The following MED26 variants were observed in gnomAD, a reference collection of about 807,000 sequenced individuals.
MED26 encodes mediator complex subunit 26, also known as mediator of RNA polymerase II transcription subunit 26.
A neutral mutation model predicts 43.7 loss-of-function variants in MED26; 7 were observed. That is an observed-to-expected ratio of 0.16 (90% CI 0.09 to 0.30). The LOEUF (loss-of-function observed/expected upper bound fraction) is 0.30, where lower values mean the gene tolerates loss of function less well. MED26 is among the 10% of genes least tolerant of loss of function. MED26 has a pLI of 1.00. For missense variants in MED26, 784 were observed against 840.6 expected (o/e 0.93, Z 0.83); for synonymous variants, 375 against 371.1 (o/e 1.01, Z -0.12).
chr19:16,578,628 G>A (rs552619453), intron 1 of MED26: 24 of 563,940 alleles, frequency 4.3e-5, no homozygotes, highest in South Asian at 4.2e-4. Flanking sequence ...AGTGTGTGGT[G>A]TGCGGGCTGC....
intron 1 of MED26, among the ~76,000 whole-genome samples, chr19:16,592,177 C>T (rs577692582): frequency 4.6e-4 from 70 of 152,336 alleles, no homozygotes; most frequent in African/African-American, 1.6e-3. Flanking sequence ...CCTGGCACCA[C>T]CTGCACCCTG....
intron 1 of MED26, among the ~76,000 whole-genome samples, chr19:16,606,337 G>A (rs1327009906): frequency 6.6e-6 from 1 of 152,168 alleles, no homozygotes; most frequent in Non-Finnish European, 1.5e-5. Flanking sequence ...GATCACCTGA[G>A]GTCGGGAGTT....
intron 1 of MED26, among the ~76,000 whole-genome samples, chr19:16,609,941 T>TAAA (rs869040520): frequency 1.2e-5 from 1 of 84,670 alleles, no homozygotes; most frequent in East Asian, 3.1e-4. Flanking sequence ...AAGCACTCTT[T>TAAA]AAAAAAAAAA....
chr19:16,600,838 T>C (rs1051244064), intron 1 of MED26, among the ~76,000 whole-genome samples: 10 of 152,248 alleles, frequency 6.6e-5, no homozygotes, highest in African/African-American at 2.4e-4. Flanking sequence ...CTGACACCTG[T>C]AATCCCAACA....
chr19:16,580,896 C>G (rs1193230767), intron 1 of MED26, among the ~76,000 whole-genome samples: 3 of 152,200 alleles, frequency 2.0e-5, no homozygotes, highest in Non-Finnish European at 4.4e-5. Context: ...CAGATGATCT[C>G]GGATCACCTC....
Position 16,575,878 on chromosome 19 carries a change from G to C in MED26, c.*149C>G. The C allele has an allele frequency of 1.5e-6, 1 of 646,712 alleles. No individual in the cohort carries two copies. The highest frequency in any genetic ancestry group is 2.7e-6 in the Non-Finnish European group (1 of 375,186). The allele number at this position is 646,712 out of a possible 1,614,324, so 40.1% of individuals were successfully genotyped here. A position where few individuals can be genotyped will look rare whatever the true frequency, so the allele number is the denominator to read the frequency against. On this transcript the variant is annotated 3_prime_UTR_variant, in exon 3 of 3. Transcript: ENST00000263390. The stretch of plus-strand genomic sequence containing the variant: ...TTTGAGGGAAGAGCGCAGAGAGACC[G>C]CGTGACTCCCGCCCCCTCCCTCCCG...
chr19:16,594,543 A>T (rs1490813865), intron 1 of MED26, among the ~76,000 whole-genome samples: 1 of 152,158 alleles, frequency 6.6e-6, no homozygotes, highest in East Asian at 1.9e-4. Flanking sequence ...GTCCAAGGCA[A>T]GGTGGGGTCT....
chr19:16,608,185 C>T (rs573412486), intron 1 of MED26, among the ~76,000 whole-genome samples: 1 of 152,356 alleles, frequency 6.6e-6, no homozygotes, highest in South Asian at 2.1e-4. Flanking sequence ...CTGGAGCCTG[C>T]TCACGCCAGC....
chr19:16,584,175 C>T (rs576826672), intron 1 of MED26, among the ~76,000 whole-genome samples: 1 of 152,020 alleles, frequency 6.6e-6, no homozygotes, highest in East Asian at 1.9e-4. Context: ...ATCGCTCAAA[C>T]CTGGGAGGCG....
chr19:16,585,660 C>G (rs992363241), intron 1 of MED26, among the ~76,000 whole-genome samples: 1 of 152,204 alleles, frequency 6.6e-6, no homozygotes, highest in African/African-American at 2.4e-5. Flanking sequence ...CAGCAGCACT[C>G]CTCTGTGGCC....
At chr19:16,607,555 G>C (rs2086179624) in intron 1 of MED26, among the ~76,000 whole-genome samples, 2 of 152,102 alleles carry the variant, frequency 1.3e-5, no homozygotes, top group Non-Finnish European at 2.9e-5. Flanking sequence ...TGAGTTGAAG[G>C]CTTCCCTCAC....
At chr19:16,610,251 T>C (rs1195229212) in intron 1 of MED26, 1 of 152,078 alleles carries the variant, frequency 6.6e-6, no homozygotes, top group African/African-American at 2.4e-5. Flanking sequence ...GTAAAGTTTT[T>C]AGAGCAAGAC....
At chr19:16,618,824 A>G (rs1202241060) in intron 1 of MED26, among the ~76,000 whole-genome samples, 1 of 152,214 alleles carries the variant, frequency 6.6e-6, no homozygotes, top group Non-Finnish European at 1.5e-5. Flanking sequence ...TGCTAATCCA[A>G]TCAAAGCTCA....
intron 1 of MED26, among the ~76,000 whole-genome samples, chr19:16,583,201 C>T (rs952974060): frequency 6.6e-6 from 1 of 152,248 alleles, no homozygotes; most frequent in Non-Finnish European, 1.5e-5. Context: ...TAGCCTGGCA[C>T]ATCTGAGGCC....
Position 16,602,307 on chromosome 19 carries a change from C to G in MED26, c.73-23898G>C, listed in dbSNP as rs115507698. Among the ~76,000 whole-genome samples, 843 of 152,334 alleles carry G rather than the reference C, an allele frequency of 5.5e-3. 14 individuals are homozygous for G. Among genetic ancestry groups the G allele is most frequent in the African/African-American group, 0.02 (813 of 41,554 alleles). On this transcript the variant is annotated intron_variant, in intron 1 of 2. Transcript: ENST00000263390. The stretch of plus-strand genomic sequence containing the variant: ...CATTTCATTCCTTCTCACAGCAACC[C>G]TGAGCACTTGGAGGTAGGTCCAGGT...
At chr19:16,598,307 A>G (rs932028422) in intron 1 of MED26, among the ~76,000 whole-genome samples, 3 of 135,614 alleles carry the variant, frequency 2.2e-5, no homozygotes, top group African/African-American at 8.4e-5. Context: ...ATTGCACTCC[A>G]GCCTGGGCGA....
chr19:16,580,993 A>AG (rs1360002899), intron 1 of MED26, among the ~76,000 whole-genome samples: 2 of 152,116 alleles, frequency 1.3e-5, no homozygotes, highest in Non-Finnish European at 2.9e-5. Flanking sequence ...GACGTCCTTG[A>AG]GGGCTGTTAA....
rs79987215 is a variant in MED26 at position 16,594,243 on chromosome 19, C to G, written c.73-15834G>C. Among the ~76,000 whole-genome samples, 1,074 of 152,352 alleles carry G rather than the reference C, an allele frequency of 7.0e-3. 3 individuals are homozygous for G. The highest frequency in any genetic ancestry group is 9.4e-3 in the Non-Finnish European group (642 of 68,030). On this transcript the variant is annotated intron_variant, in intron 1 of 2. Transcript: ENST00000263390. ...GCACACTCAAGGGCCACCAGGGCTC[C>G]TGAGGCCACTTGCCGCCGAGAGCCA...
At chr19:16,583,878 T>A (rs975092405) in intron 1 of MED26, among the ~76,000 whole-genome samples, 3 of 152,132 alleles carry the variant, frequency 2.0e-5, no homozygotes, top group African/African-American at 7.2e-5. Context: ...GTCATAGGCA[T>A]CACAGCTAGC....
Sources: gnomAD v4.1 joint callset for allele counts (sites outside exome capture counted in the v4.1 genomes callset) on GRCh38, gnomAD v4.1.1 for gene constraint, MANE v1.5 for transcripts, NCBI Gene and HGNC (gene_info 2026-07-23, HGNC 2026-07-21) for gene names.